TAFA2: variants seen among roughly 807,000 people sequenced by gnomAD.
TAFA2 encodes TAFA chemokine like family member 2.
Under a neutral mutation model 18.8 loss-of-function variants are expected in TAFA2, and 7 were observed. That is an observed-to-expected ratio of 0.37 (90% CI 0.21 to 0.70). TAFA2 has a LOEUF of 0.70. Among genes scored for constraint, TAFA2 ranks in the 30% least tolerant of loss-of-function variants. The pLI is 0.53. For synonymous variants in TAFA2, 60 were observed against 54.2 expected, an observed-to-expected ratio of 1.11 and a Z score of -0.47; for missense variants, 122 against 158.1, an observed-to-expected ratio of 0.77 and a Z score of 1.23.
At position 62,142,085 on chromosome 12, in the gene TAFA2, G is replaced by GT. The variant is rs530874087; in HGVS notation, c.-2+49173dup. Among the ~76,000 whole-genome samples, 330 of 152,274 alleles carry GT rather than the reference G, an allele frequency of 2.2e-3. 2 individuals carry two copies. Among genetic ancestry groups the GT allele is most frequent in the African/African-American group, 7.8e-3 (325 of 41,556 alleles). On this transcript the variant is annotated intron_variant, in intron 1 of 4. Transcript: ENST00000416284. ...ATGTGCTAGCTACCAGTAGGATTAC[G>GT]TTCCCCTTCTTATAAATGAAGAAAC... is the stretch of plus-strand genomic sequence containing the variant.
chr12:62,093,232 A>C (rs1253127585), intron 1 of TAFA2, among the ~76,000 whole-genome samples: 1 of 152,006 alleles, frequency 6.6e-6, no homozygotes, highest in Non-Finnish European at 1.5e-5. Context: ...TTTTAGGAAA[A>C]TATTAATCTG....
chr12:61,926,708 G>C (rs984588446), intron 1 of TAFA2, among the ~76,000 whole-genome samples: 2 of 152,082 alleles, frequency 1.3e-5, no homozygotes, highest in Admixed American at 1.3e-4. Flanking sequence ...AAAATAATAA[G>C]AGCTATTTAT....
chr12:61,856,407 T>A (rs2121178680), intron 2 of TAFA2, among the ~76,000 whole-genome samples: 1 of 152,162 alleles, frequency 6.6e-6, no homozygotes, highest in East Asian at 1.9e-4. Flanking sequence ...GAAGTTTTAC[T>A]TATCATCTTT....
chr12:61,873,320 C>CT (rs1874702400), intron 1 of TAFA2, among the ~76,000 whole-genome samples: 1 of 119,588 alleles, frequency 8.4e-6, no homozygotes, highest in South Asian at 2.7e-4. Context: ...TATTATTATA[C>CT]TTTAAGTTTT....
intron 1 of TAFA2, among the ~76,000 whole-genome samples, chr12:62,156,029 C>T (rs1322617730): frequency 6.6e-6 from 1 of 152,086 alleles, no homozygotes; most frequent in Non-Finnish European, 1.5e-5. Flanking sequence ...GGGAGAAAAT[C>T]TTCACAATCT....
At chr12:61,852,850 T>C (rs1370458894) in intron 2 of TAFA2, among the ~76,000 whole-genome samples, 2 of 152,058 alleles carry the variant, frequency 1.3e-5, no homozygotes, top group Non-Finnish European at 2.9e-5. Flanking sequence ...GAGAGGAAGA[T>C]ACAGTATTCT....
At chr12:62,122,953 A>G (rs1404677839) in intron 1 of TAFA2, among the ~76,000 whole-genome samples, 2 of 152,080 alleles carry the variant, frequency 1.3e-5, no homozygotes, top group Non-Finnish European at 2.9e-5. Context: ...TCTCATCTCA[A>G]CATGCATAAA....
At chr12:61,848,285 C>A (rs189776310) in intron 2 of TAFA2, among the ~76,000 whole-genome samples, 24 of 152,244 alleles carry the variant, frequency 1.6e-4, no homozygotes. Context: ...AATTTTCTTT[C>A]CCAAGAAATG....
At chr12:61,747,951 T>C (rs1868811218) in intron 4 of TAFA2, among the ~76,000 whole-genome samples, 1 of 152,104 alleles carries the variant, frequency 6.6e-6, no homozygotes, top group African/African-American at 2.4e-5. Context: ...GAAGGTAAGT[T>C]GTTTTGAAAG....
intron 2 of TAFA2, among the ~76,000 whole-genome samples, chr12:61,770,649 A>G (rs1171517955): frequency 6.6e-6 from 1 of 152,134 alleles, no homozygotes; most frequent in Non-Finnish European, 1.5e-5. Flanking sequence ...AGCTTCATAA[A>G]TGAAGAAAAC....
chr12:61,774,813 A>C (rs1870186121), intron 2 of TAFA2, among the ~76,000 whole-genome samples: 1 of 151,852 alleles, frequency 6.6e-6, no homozygotes, highest in Non-Finnish European at 1.5e-5. Context: ...TATTGAAATA[A>C]AAAATAAAAA....
chr12:61,784,413 C>A (rs756591484), intron 2 of TAFA2, among the ~76,000 whole-genome samples: 1 of 151,522 alleles, frequency 6.6e-6, no homozygotes, highest in African/African-American at 2.4e-5. Flanking sequence ...ATCCATCTCT[C>A]GTCCTCAGAG....
chr12:61,773,754 G>A (rs894012922), intron 2 of TAFA2, among the ~76,000 whole-genome samples: 1 of 151,950 alleles, frequency 6.6e-6, no homozygotes, highest in Non-Finnish European at 1.5e-5. Flanking sequence ...AAAAATTCTA[G>A]AAGAAAACAT....
intron 1 of TAFA2, among the ~76,000 whole-genome samples, chr12:62,154,130 A>G (rs752280379): frequency 2.0e-5 from 3 of 152,056 alleles, no homozygotes; most frequent in Non-Finnish European, 4.4e-5. Context: ...AACAAATGTG[A>G]TGGTTATTTG....
intron 1 of TAFA2, among the ~76,000 whole-genome samples, chr12:62,200,361 T>A (rs1426920739): frequency 6.6e-6 from 1 of 152,190 alleles, no homozygotes; most frequent in African/African-American, 2.4e-5. Flanking sequence ...TTGCCTAGAT[T>A]TTCTTCTAGG....
intron 2 of TAFA2, among the ~76,000 whole-genome samples, chr12:61,794,472 G>A (rs553414604): frequency 3.3e-4 from 50 of 152,106 alleles, no homozygotes; most frequent in African/African-American, 1.2e-3. Context: ...GAGAAAAGAT[G>A]TGTAAGATCT....
At chr12:61,724,933 C>T (rs953728063) in intron 4 of TAFA2, among the ~76,000 whole-genome samples, 1 of 143,120 alleles carries the variant, frequency 7.0e-6, no homozygotes, top group Non-Finnish European at 1.5e-5. Flanking sequence ...TACATTCCCC[C>T]CAGCAGTGTA....
chr12:62,187,336 T>G (rs1230006123), intron 1 of TAFA2, among the ~76,000 whole-genome samples: 1 of 152,170 alleles, frequency 6.6e-6, no homozygotes, highest in African/African-American at 2.4e-5. Flanking sequence ...CAGTTATAAA[T>G]GACGTTGTCA....
In TAFA2 at chr12:61,953,089, G is replaced by A. The variant is rs550391544; in HGVS notation, c.-1-85663C>T. Among the ~76,000 whole-genome samples, 101 of 152,012 alleles carry A rather than the reference G, an allele frequency of 6.6e-4. No individual in the cohort carries two copies. In the South Asian group the frequency reaches 0.018, roughly 27 times the overall value. Reference sequence around the variant, plus strand: ...ATTGCATCCCCTCCTTATGTTTATCGTTTCCTCCATGAATCAATACGTTCT... The same window carrying A: ...ATTGCATCCCCTCCTTATGTTTATCATTTCCTCCATGAATCAATACGTTCT... On this transcript the variant is annotated intron_variant, in intron 1 of 4. Coordinates refer to ENST00000416284, the MANE Select transcript of TAFA2 (RefSeq NM_178539.5).
Sources: gnomAD v4.1 joint callset for allele counts (sites outside exome capture counted in the v4.1 genomes callset) on GRCh38, gnomAD v4.1.1 for gene constraint, MANE v1.5 for transcripts, NCBI Gene and HGNC (gene_info 2026-07-23, HGNC 2026-07-21) for gene names.